Variants in TMEM200A observed in about 807,000 individuals in gnomAD.
TMEM200A encodes the protein two transmembrane C.
Under a neutral mutation model 24.3 loss-of-function variants are expected in TMEM200A, and 12 were observed. That is an observed-to-expected ratio of 0.49 (90% CI 0.32 to 0.80). TMEM200A has a LOEUF of 0.80. TMEM200A is among the 30% of genes least tolerant of loss of function. The pLI is 0.04. For missense variants in TMEM200A, 545 were observed against 614.4 expected, an observed-to-expected ratio of 0.89 and a Z score of 1.19; for synonymous variants, 224 against 224.4, an observed-to-expected ratio of 1.00 and a Z score of 0.02.
intron 2 of TMEM200A, among the ~76,000 whole-genome samples, chr6:130,429,232 A>C (rs893546105): frequency 1.3e-5 from 2 of 152,094 alleles, no homozygotes; most frequent in African/African-American, 4.8e-5. Context: ...GACAAAGAAA[A>C]ATAATGAGGC....
chr6:130,436,628 A>T (rs1337117354), intron 2 of TMEM200A, among the ~76,000 whole-genome samples: 13 of 41,716 alleles, frequency 3.1e-4, no homozygotes, highest in South Asian at 2.7e-3. Flanking sequence ...GTTTTTCTTT[A>T]TCCTTTTTTT....
intron 2 of TMEM200A, among the ~76,000 whole-genome samples, chr6:130,394,240 T>G (rs1293632828): frequency 6.6e-6 from 1 of 152,196 alleles, no homozygotes; most frequent in Non-Finnish European, 1.5e-5. Flanking sequence ...AGCCTGAGAC[T>G]GCTTAAAGAG....
chr6:130,372,209 A>G (rs1778336563), intron 1 of TMEM200A, among the ~76,000 whole-genome samples: 1 of 152,154 alleles, frequency 6.6e-6, no homozygotes. Context: ...AGTCTGAGAG[A>G]TGGAAATGGG....
rs894563375 is a variant in TMEM200A, at chr6:130,366,451, C to G, written c.-154C>G. The G allele has an allele frequency of 1.7e-5, 17 of 985,544 alleles. No individual in the cohort carries two copies. The highest frequency in any genetic ancestry group is 2.0e-5 in the Non-Finnish European group (17 of 830,102). 61.0% of individuals were successfully genotyped at this position (985,544 alleles called of 1,614,324 possible). A position where few individuals can be genotyped will look rare whatever the true frequency, so the allele number is the denominator to read the frequency against. On this transcript the variant is annotated 5_prime_UTR_variant, in exon 1 of 3. Transcript: ENST00000296978. The surrounding 1 kb of genome is among the most constrained non-coding windows in gnomAD (Gnocchi z 4.4). ...CCTCCAGAGGCGCCCGACGTCCCGA[C>G]AGCTCCTGGAGTGAGACCAGGACTG... is the stretch of plus-strand genomic sequence containing the variant.
intron 1 of TMEM200A, among the ~76,000 whole-genome samples, chr6:130,369,951 C>A (rs1583167435): frequency 6.6e-6 from 1 of 152,198 alleles, no homozygotes; most frequent in Admixed American, 6.5e-5. Flanking sequence ...AAGGGAGTTA[C>A]TCAGGATTCA....
chr6:130,441,708 G>C lies in TMEM200A; in HGVS notation c.1286G>C (p.Gly429Ala). The C allele has an allele frequency of 6.2e-7, 1 of 1,614,018 alleles. No individual in the cohort carries two copies. The highest frequency in any genetic ancestry group is 8.5e-7 in the Non-Finnish European group (1 of 1,179,986). Reference sequence around the variant, plus strand: ...AGGTTGGATCGGAACAACAGCAAGGGATATATGAAACTAGAGAACAAAGAA... The same window carrying C: ...AGGTTGGATCGGAACAACAGCAAGGCATATATGAAACTAGAGAACAAAGAA... The part of the protein sequence containing the change: ...WPRLDRNNSK[G>A]YMKLENKEDP... Residue 429 changes from glycine to alanine, a missense_variant, in exon 3 of 3, where the codon GGA (glycine) becomes GCA (alanine). By Grantham distance (60) the Gly-to-Ala change is moderately conservative. Transcript: ENST00000296978.
At chr6:130,436,575 T>C (rs12526217) in intron 2 of TMEM200A, among the ~76,000 whole-genome samples, 15,842 of 148,166 alleles carry the variant, frequency 0.11, 1,070 homozygotes, top group Admixed American at 0.16. Flanking sequence ...ATGCAGAGCC[T>C]GTAGATTCAC....
intron 2 of TMEM200A, among the ~76,000 whole-genome samples, chr6:130,425,545 T>C (rs1779712248): frequency 6.6e-6 from 1 of 152,176 alleles, no homozygotes; most frequent in African/African-American, 2.4e-5. Context: ...GCAAAGGATA[T>C]TGAAGCCTGA....
At chr6:130,437,881 A>C (rs773109491) in intron 2 of TMEM200A, 1 of 152,122 alleles carries the variant, frequency 6.6e-6, no homozygotes, top group Non-Finnish European at 1.5e-5. Flanking sequence ...TCAGCCTCCT[A>C]AGCGAAAATG....
intron 1 of TMEM200A, chr6:130,382,899 C>T (rs1320765838): frequency 3.0e-6 from 1 of 330,704 alleles, no homozygotes; most frequent in Non-Finnish European, 4.3e-6. Context: ...GAAGCAGGAA[C>T]ATTTGTGTTA....
intron 2 of TMEM200A, among the ~76,000 whole-genome samples, chr6:130,426,334 C>T (rs951080135): frequency 7.9e-5 from 12 of 151,954 alleles, no homozygotes; most frequent in African/African-American, 2.9e-4. Context: ...TGAAACAGGA[C>T]AAACGGAGGG....
chr6:130,388,058 G>A (rs1778750772), intron 2 of TMEM200A, among the ~76,000 whole-genome samples: 1 of 152,174 alleles, frequency 6.6e-6, no homozygotes, highest in Admixed American at 6.5e-5. Flanking sequence ...GCTCAGGAAA[G>A]GGGAGAATAA....
At chr6:130,379,658 C>G (rs1778550404) in intron 1 of TMEM200A, among the ~76,000 whole-genome samples, 1 of 152,156 alleles carries the variant, frequency 6.6e-6, no homozygotes, top group Admixed American at 6.5e-5. Flanking sequence ...TGGCCAGAAC[C>G]AGTTGGTGTG....
chr6:130,400,268 A>G (rs1376642381), intron 2 of TMEM200A, among the ~76,000 whole-genome samples: 1 of 152,030 alleles, frequency 6.6e-6, no homozygotes, highest in Non-Finnish European at 1.5e-5. Flanking sequence ...GATACCCACT[A>G]GTGGGATTGC....
intron 1 of TMEM200A, among the ~76,000 whole-genome samples, chr6:130,380,876 C>G (rs943102830): frequency 6.6e-6 from 1 of 152,080 alleles, no homozygotes; most frequent in African/African-American, 2.4e-5. Context: ...AATCCTAGCA[C>G]TTTGGGAGGC....
chr6:130,426,992 T>C (rs1019556852), intron 2 of TMEM200A, among the ~76,000 whole-genome samples: 1 of 152,200 alleles, frequency 6.6e-6, no homozygotes, highest in Non-Finnish European at 1.5e-5. Context: ...TTCCTGAACT[T>C]ATCATTTAGT....
At chr6:130,421,090 TTC>T (rs1779572366) in intron 2 of TMEM200A, 1 of 152,202 alleles carries the variant, frequency 6.6e-6, no homozygotes, top group Non-Finnish European at 1.5e-5. Flanking sequence ...GTGCCAGAAA[TTC>T]TTTCAGCTCA....
Position 130,440,709 on chromosome 6 carries a change from C to T in TMEM200A, c.287C>T (p.Thr96Ile), listed in dbSNP as rs1309986637. 1.2e-6 allele frequency: 2 copies of T among 1,614,058 alleles called. No homozygotes were observed. The highest frequency in any genetic ancestry group is 1.7e-6 in the Non-Finnish European group (2 of 1,179,972). Residue 96 changes from threonine (T) to isoleucine (I), a missense_variant, in exon 3 of 3, where the codon ACA becomes ATA. By Grantham distance (89) the Thr-to-Ile change is moderately conservative. Transcript: ENST00000296978. ...GAACATTTTATTGATGCTGAAACAA[C>T]ACTGTCAACAAATGAAACTCAGGTC... is the stretch of plus-strand genomic sequence containing the variant. Reference protein sequence around the residue: ...QKEHFIDAETTLSTNETQVIR... With the variant: ...QKEHFIDAETILSTNETQVIR...
chr6:130,386,672 G>A (rs1778718622), intron 2 of TMEM200A, among the ~76,000 whole-genome samples: 1 of 152,036 alleles, frequency 6.6e-6, no homozygotes, highest in East Asian at 1.9e-4. Context: ...GATACTCTAG[G>A]TGATTAGCAT....
Sources: gnomAD v4.1 joint callset for allele counts (sites outside exome capture counted in the v4.1 genomes callset) on GRCh38, gnomAD v4.1.1 for gene constraint, Gnocchi (gnomAD v3.1) non-coding constraint, MANE v1.5 for transcripts, NCBI Gene and HGNC (gene_info 2026-07-23, HGNC 2026-07-21) for gene names.